Variants in NAP1L4 observed in about 807,000 individuals in gnomAD.
NAP1L4 encodes nucleosome assembly protein 1 like 4.
NAP1L4 carries 15 observed loss-of-function variants against 58.2 expected under a neutral mutation model. The observed-to-expected ratio is 0.26, with a 90% CI of 0.17 to 0.40. The LOEUF is 0.40. NAP1L4 is among the 10% of genes least tolerant of loss of function. NAP1L4 has a pLI of 1.00. For missense variants in NAP1L4, 384 were observed against 451.1 expected (o/e 0.85, Z 1.35); for synonymous variants, 171 against 155.6 (o/e 1.10, Z -0.74).
chr11:2,969,296 G>A (rs11603638), intron 7 of NAP1L4, among the ~76,000 whole-genome samples: 40,224 of 151,852 alleles, frequency 0.26, 7,141 homozygotes, highest in East Asian at 0.69. Flanking sequence ...AAAAAAAATA[G>A]ACACTTTTTC....
Position 2,949,212 on chromosome 11 carries a change from G to T in NAP1L4, c.*32+15C>A. On this transcript the variant is annotated intron_variant, in intron 15 of 15. Transcript: ENST00000380542. This position sits in a 1 kb window ranked among gnomAD's most constrained non-coding sequence, Gnocchi z 4.0. ...AGAAGTTTGGAAGTTAGGTATGAAT[G>T]GAATTCCACCTTACCTAGAAACGTA... 1.3e-6 allele frequency: 2 copies of T among 1,573,576 alleles called. No individual in the cohort carries two copies. Among genetic ancestry groups the T allele is most frequent in the Non-Finnish European group, 1.7e-6 (2 of 1,144,198 alleles).
intron 7 of NAP1L4, among the ~76,000 whole-genome samples, chr11:2,966,443 C>A (rs1847283994): frequency 1.7e-5 from 2 of 115,444 alleles, no homozygotes; most frequent in Non-Finnish European, 3.7e-5. Context: ...ATCCTCCCCT[C>A]TCTCTCCCTC....
At chr11:2,978,363 A>G (rs1324285511) in intron 2 of NAP1L4, 21 bp from the exon 3 acceptor site, 7 of 1,610,224 alleles carry the variant, frequency 4.3e-6, no homozygotes, top group African/African-American at 2.7e-5. Flanking sequence ...AGTATGTTTA[A>G]AAAGTATTAC....
rs935851019 is a variant in NAP1L4 at position 2,975,562 on chromosome 11, CT to C, written c.173+461del. The stretch of plus-strand genomic sequence containing the variant: ...CCTAGGAAATACAGTGAGACCCCAT[CT>C]TTTTTTTTTTCTTAAAGACAGTCTC... On this transcript the variant is annotated intron_variant, in intron 4 of 15. Coordinates refer to ENST00000380542, the MANE Select transcript of NAP1L4 (RefSeq NM_005969.4). 6.0e-4 allele frequency among the ~76,000 whole-genome samples: 89 copies of C among 147,186 alleles called. 2 individuals are homozygous for C. The highest frequency in any genetic ancestry group is 2.1e-3 in the South Asian group (10 of 4,664).
rs114848026 is a variant in NAP1L4 at position 2,976,457 on chromosome 11, C to A, written c.74-334G>T. Among the ~76,000 whole-genome samples, 1,515 of 152,212 alleles carry A rather than the reference C, an allele frequency of 1.0e-2. 27 individuals carry two copies. Among genetic ancestry groups the A allele is most frequent in the African/African-American group, 0.035 (1,437 of 41,514 alleles). On this transcript the variant is annotated intron_variant, in intron 3 of 15. Transcript: ENST00000380542. ...AATGTAAGTTCACATGGTCTACCCC[C>A]AAGTCCCATGGTGGTGTCCAGAAGC...
chr11:2,956,102 G>A (rs1362335812), intron 10 of NAP1L4, among the ~76,000 whole-genome samples: 1 of 152,204 alleles, frequency 6.6e-6, no homozygotes, highest in East Asian at 1.9e-4. Context: ...GCCATTCAGT[G>A]CATTTGTGCT....
Position 2,955,555 on chromosome 11 carries a change from T to A in NAP1L4, c.915+189A>T, listed in dbSNP as rs1483831783. The stretch of plus-strand genomic sequence containing the variant: ...TTTGTGGAGATGGGGTTGTGCTATG[T>A]TGCCCAGGCTGGTCTCAAACTCCTG... On this transcript the variant is annotated intron_variant, in intron 11 of 15. Transcript: ENST00000380542. This position sits in a 1 kb window ranked among gnomAD's most constrained non-coding sequence, Gnocchi z 4.2. Among the ~76,000 whole-genome samples the A allele has an allele frequency of 6.6e-6, 1 of 152,010 alleles. No homozygotes were observed. Among genetic ancestry groups the A allele is most frequent in the Non-Finnish European group, 1.5e-5 (1 of 68,002 alleles).
chr11:2,955,438 T>C lies in NAP1L4; in HGVS notation c.915+306A>G, dbSNP rs1278773638. 6.6e-6 allele frequency among the ~76,000 whole-genome samples: 1 copy of C among 152,036 alleles called. No homozygotes were observed. The highest frequency in any genetic ancestry group is 2.1e-4 in the South Asian group (1 of 4,816). ...CCAGACTGGTCTTGAACTCCTGACCTCTGGTGATCCACCCACCTTGGCCTC... is the reference window on the plus strand; with the variant it reads ...CCAGACTGGTCTTGAACTCCTGACCCCTGGTGATCCACCCACCTTGGCCTC... On this transcript the variant is annotated intron_variant, in intron 11 of 15. Coordinates refer to ENST00000380542, the MANE Select transcript of NAP1L4 (RefSeq NM_005969.4). The surrounding 1 kb of genome is among the most constrained non-coding windows in gnomAD (Gnocchi z 4.2).
In NAP1L4 at chr11:2,963,980, C is replaced by A. The variant is rs138125756; in HGVS notation, c.606+700G>T. On this transcript the variant is annotated intron_variant, in intron 8 of 15. Coordinates refer to ENST00000380542, the MANE Select transcript of NAP1L4 (RefSeq NM_005969.4). The stretch of plus-strand genomic sequence containing the variant: ...TTCCTCAGATAAAAGTAAGGGCTGA[C>A]CTAGTCAAGCTTATCTTACCAACTG... The A allele has an allele frequency of 5.4e-4, 263 of 487,874 alleles. 1 individual carries two copies. Among genetic ancestry groups the A allele is most frequent in the African/African-American group, 4.9e-3 (250 of 51,278 alleles). 30.2% of individuals were successfully genotyped at this position (487,874 alleles called of 1,614,324 possible). A position where few individuals can be genotyped will look rare whatever the true frequency, so the allele number is the denominator to read the frequency against.
At chr11:2,960,892 T>C (rs1367306675) in intron 8 of NAP1L4, among the ~76,000 whole-genome samples, 1 of 152,230 alleles carries the variant, frequency 6.6e-6, no homozygotes, top group African/African-American at 2.4e-5. Context: ...AGACCAGTTC[T>C]ACGCTCAGAC....
At position 2,954,749 on chromosome 11, in the gene NAP1L4, C is replaced by G; in HGVS notation, c.916-103G>C. The G allele has an allele frequency of 6.8e-7, 1 of 1,471,466 alleles. No individual in the cohort carries two copies. The highest frequency in any genetic ancestry group is 9.4e-7 in the Non-Finnish European group (1 of 1,058,780). 91.2% of individuals were successfully genotyped at this position (1,471,466 alleles called of 1,614,324 possible). On this transcript the variant is annotated intron_variant, in intron 11 of 15. Transcript: ENST00000380542. The surrounding 1 kb of genome is among the most constrained non-coding windows in gnomAD (Gnocchi z 4.8). ...AGCCCCTCACTTTTGATTTACTTAA[C>G]TTAAAACACCAAACTCCTGCACTGC...
chr11:2,972,755 G>C (rs1847718462), intron 4 of NAP1L4, among the ~76,000 whole-genome samples: 2 of 152,156 alleles, frequency 1.3e-5, no homozygotes, highest in South Asian at 2.1e-4. Flanking sequence ...GATTGCTTGA[G>C]GGCAGGACTC....
intron 8 of NAP1L4, among the ~76,000 whole-genome samples, chr11:2,962,070 T>C (rs1450188639): frequency 6.6e-6 from 1 of 152,094 alleles, no homozygotes; most frequent in Non-Finnish European, 1.5e-5. Flanking sequence ...AATGCAAAAT[T>C]AGGCAGGGCC....
Position 2,951,188 on chromosome 11 carries a change from G to T in NAP1L4, c.1122+71C>A. ...ATATTGTTAACACTACTGCCTCAAA[G>T]TGGGGAACATTTTTAAAAGTCTAAG... On this transcript the variant is annotated intron_variant, in intron 14 of 15. Transcript: ENST00000380542. This position sits in a 1 kb window ranked among gnomAD's most constrained non-coding sequence, Gnocchi z 4.0. 1 of 1,225,940 alleles carries T rather than the reference G, an allele frequency of 8.2e-7. No individual in the cohort carries two copies. The highest frequency in any genetic ancestry group is 1.2e-6 in the Non-Finnish European group (1 of 838,484). The allele number at this position is 1,225,940 out of a possible 1,614,324, so 75.9% of individuals were successfully genotyped here.
intron 1 of NAP1L4, among the ~76,000 whole-genome samples, chr11:2,981,192 A>G (rs1180824207): frequency 6.6e-6 from 1 of 151,236 alleles, no homozygotes; most frequent in Non-Finnish European, 1.5e-5. Context: ...AAGCTGAAAT[A>G]ACACCACTGC....
chr11:2,967,364 G>A (rs983590100), intron 7 of NAP1L4, among the ~76,000 whole-genome samples: 1 of 152,196 alleles, frequency 6.6e-6, no homozygotes, highest in Non-Finnish European at 1.5e-5. Context: ...TGTAATCCCA[G>A]CACTTTGGGA....
At chr11:2,967,403 C>G (rs1342476476) in intron 7 of NAP1L4, among the ~76,000 whole-genome samples, 1 of 152,042 alleles carries the variant, frequency 6.6e-6, no homozygotes, top group African/African-American at 2.4e-5. Context: ...ATGAGGTCAG[C>G]AGATCGAGAC....
At position 2,956,032 on chromosome 11, in the gene NAP1L4, G is replaced by A. The variant is rs116238239; in HGVS notation, c.893-266C>T. Among the ~76,000 whole-genome samples the A allele has an allele frequency of 2.8e-3, 428 of 152,246 alleles. 2 individuals carry two copies. The highest frequency in any genetic ancestry group is 9.9e-3 in the African/African-American group (412 of 41,544). On this transcript the variant is annotated intron_variant, in intron 10 of 15. Coordinates refer to ENST00000380542, the MANE Select transcript of NAP1L4 (RefSeq NM_005969.4). The stretch of plus-strand genomic sequence containing the variant: ...ATGGGCTGGCACTCAAGCTTGAGAA[G>A]ATCATTTTGAGAGAGTTAATATATT...
chr11:2,984,329 T>C (rs920307287), intron 1 of NAP1L4, among the ~76,000 whole-genome samples: 5 of 151,958 alleles, frequency 3.3e-5, no homozygotes, highest in Admixed American at 2.0e-4. Context: ...TCCCAGTACT[T>C]TGGGAGGCCG....
Sources: allele counts gnomAD v4.1 joint callset (sites outside exome capture counted in the v4.1 genomes callset), GRCh38; gene constraint gnomAD v4.1.1; non-coding constraint Gnocchi (gnomAD v3.1); transcripts MANE v1.5; gene names NCBI Gene and HGNC (gene_info 2026-07-23, HGNC 2026-07-21).